ANKS1B: variants seen among roughly 807,000 people sequenced by gnomAD.
ANKS1B encodes the protein ankyrin repeat and sterile alpha motif domain containing 1B, also known as ankyrin repeat and sterile alpha motif domain-containing protein 1B.
In ANKS1B, 36 loss-of-function variants were observed where a neutral mutation model predicts 148.3. The ratio of observed to expected loss-of-function variants is 0.24; its 90% CI spans 0.19 to 0.32. The LOEUF (loss-of-function observed/expected upper bound fraction) is 0.32. Among genes scored for constraint, ANKS1B ranks in the 10% least tolerant of loss-of-function variants. ANKS1B has a pLI of 1.00. For synonymous variants in ANKS1B, 542 were observed against 560.8 expected, an observed-to-expected ratio of 0.97 and a Z score of 0.47; for missense variants, 1,157 against 1,542.6, an observed-to-expected ratio of 0.75 and a Z score of 4.19.
intron 12 of ANKS1B, among the ~76,000 whole-genome samples, chr12:99,340,684 A>G (rs983734165): frequency 3.9e-5 from 6 of 152,052 alleles, no homozygotes; most frequent in Non-Finnish European, 8.8e-5. Flanking sequence ...TTATGACCCA[A>G]ACATTGCTAT....
chr12:99,272,346 A>T (rs2077142535), intron 12 of ANKS1B, among the ~76,000 whole-genome samples: 1 of 152,208 alleles, frequency 6.6e-6, no homozygotes, highest in Non-Finnish European at 1.5e-5. Flanking sequence ...TTGAGAAATA[A>T]CATTAAAATC....
chr12:99,819,266 T>C (rs1485175630), intron 2 of ANKS1B, among the ~76,000 whole-genome samples: 5 of 151,876 alleles, frequency 3.3e-5, no homozygotes, highest in Admixed American at 1.3e-4. Context: ...TTCACTCTCA[T>C]AGATTTCTAG....
chr12:98,788,093 C>T (rs1316122736), intron 22 of ANKS1B, among the ~76,000 whole-genome samples: 1 of 151,776 alleles, frequency 6.6e-6, no homozygotes, highest in Non-Finnish European at 1.5e-5. Context: ...CAAGACATTC[C>T]TATGGGGTGG....
At chr12:99,932,030 T>G (rs1374185975) in intron 1 of ANKS1B, among the ~76,000 whole-genome samples, 1 of 152,198 alleles carries the variant, frequency 6.6e-6, no homozygotes, top group Non-Finnish European at 1.5e-5. Context: ...AAAGTTTCTC[T>G]TTCTGTGCCT....
At chr12:99,467,391 C>G (rs2152887977) in intron 10 of ANKS1B, among the ~76,000 whole-genome samples, 1 of 152,258 alleles carries the variant, frequency 6.6e-6, no homozygotes, top group South Asian at 2.1e-4. Context: ...GACAGGGATG[C>G]CCTTTCTCAC....
At chr12:98,877,297 A>G (rs1434404178) in intron 17 of ANKS1B, among the ~76,000 whole-genome samples, 1 of 152,214 alleles carries the variant, frequency 6.6e-6, no homozygotes, top group Non-Finnish European at 1.5e-5. Flanking sequence ...CAAAACTTCT[A>G]ATGAGATAAG....
chr12:99,901,826 G>C (rs2093611043), intron 1 of ANKS1B, among the ~76,000 whole-genome samples: 1 of 152,114 alleles, frequency 6.6e-6, no homozygotes, highest in Non-Finnish European at 1.5e-5. Flanking sequence ...AAGCTGCCTG[G>C]GTTTGAAACC....
intron 9 of ANKS1B, chr12:99,649,340 T>C: frequency 1.2e-6 from 2 of 1,614,200 alleles, no homozygotes; most frequent in Non-Finnish European, 1.7e-6. Context: ...ATCAGTAGAC[T>C]TCACATGAAT....
At chr12:98,984,621 C>T (rs943851472) in intron 17 of ANKS1B, among the ~76,000 whole-genome samples, 4 of 152,234 alleles carry the variant, frequency 2.6e-5, no homozygotes, top group Non-Finnish European at 5.9e-5. Context: ...ACTCTCCCTT[C>T]CTGCATTTCT....
chr12:99,273,441 C>G (rs2077274295), intron 12 of ANKS1B, among the ~76,000 whole-genome samples: 1 of 152,228 alleles, frequency 6.6e-6, no homozygotes, highest in Non-Finnish European at 1.5e-5. Flanking sequence ...CCTTGAGTTC[C>G]CTGTAAGACT....
intron 14 of ANKS1B, among the ~76,000 whole-genome samples, chr12:99,220,499 T>G (rs2084938060): frequency 2.1e-5 from 3 of 145,718 alleles, no homozygotes; most frequent in African/African-American, 5.1e-5. Context: ...TTGCCCAGGC[T>G]GGAGTCCAGT....
intron 17 of ANKS1B, among the ~76,000 whole-genome samples, chr12:98,853,780 C>T (rs1567180683): frequency 6.6e-6 from 1 of 152,194 alleles, no homozygotes. Flanking sequence ...GGCTTGAGGG[C>T]ACAAAGCATG....
At chr12:99,819,355 T>C (rs2153675664) in intron 2 of ANKS1B, among the ~76,000 whole-genome samples, 1 of 151,980 alleles carries the variant, frequency 6.6e-6, no homozygotes, top group South Asian at 2.1e-4. Flanking sequence ...TAAAGATGTT[T>C]CTAGTTATTC....
intron 9 of ANKS1B, among the ~76,000 whole-genome samples, chr12:99,640,823 A>C (rs556052992): frequency 1.8e-4 from 27 of 152,344 alleles, no homozygotes; most frequent in African/African-American, 6.3e-4. Context: ...AATAACTTGC[A>C]AACTATTCTA....
At chr12:99,750,168 T>A (rs1353055077) in intron 8 of ANKS1B, among the ~76,000 whole-genome samples, 1 of 152,082 alleles carries the variant, frequency 6.6e-6, no homozygotes, top group Non-Finnish European at 1.5e-5. Context: ...GAGGCACTTA[T>A]AATTTATAAC....
chr12:99,819,786 T>C (rs1416020292), intron 2 of ANKS1B, among the ~76,000 whole-genome samples: 2 of 150,670 alleles, frequency 1.3e-5, no homozygotes, highest in African/African-American at 2.4e-5. Context: ...AGATTATTAC[T>C]AAAAATAATG....
At chr12:99,982,600 T>C (rs774836961) in intron 1 of ANKS1B, among the ~76,000 whole-genome samples, 4 of 152,326 alleles carry the variant, frequency 2.6e-5, no homozygotes, top group Admixed American at 1.3e-4. Context: ...AACTTAAAAC[T>C]GTAAAGAGAT....
chr12:98,748,617 C>A (rs1330946662), intron 26 of ANKS1B, among the ~76,000 whole-genome samples: 2 of 152,172 alleles, frequency 1.3e-5, no homozygotes, highest in East Asian at 1.9e-4. Flanking sequence ...GAGGACCTCA[C>A]GTGTTCTTAG....
intron 8 of ANKS1B, among the ~76,000 whole-genome samples, chr12:99,670,717 C>T (rs2098533953): frequency 6.6e-6 from 1 of 152,108 alleles, no homozygotes; most frequent in East Asian, 1.9e-4. Flanking sequence ...GCAACCAGGG[C>T]AAGTAGAGGA....
Sources: allele counts gnomAD v4.1 joint callset (sites outside exome capture counted in the v4.1 genomes callset), GRCh38; gene constraint gnomAD v4.1.1; transcripts MANE v1.5; gene names NCBI Gene and HGNC (gene_info 2026-07-23, HGNC 2026-07-21).